The following C12orf76 variants were observed in gnomAD, a reference collection of about 807,000 sequenced individuals.
The protein encoded by C12orf76 is chromosome 12 open reading frame 76.
In C12orf76, 6 loss-of-function variants were observed where a neutral mutation model predicts 6.8. The observed-to-expected ratio is 0.88, with a 90% CI of 0.48 to 1.73. The LOEUF is 1.73. C12orf76 is among the 40% of genes most tolerant of loss of function. The pLI, the probability that C12orf76 is intolerant of heterozygous loss-of-function variation, is 0.01. For synonymous variants in C12orf76, 56 were observed against 43.7 expected, an observed-to-expected ratio of 1.28 and a Z score of -1.11; for missense variants, 99 against 98.2, an observed-to-expected ratio of 1.01 and a Z score of -0.03.
chr12:110,071,811 A>T (rs13313211), upstream of C12orf76, among the ~76,000 whole-genome samples: 12,312 of 152,180 alleles, frequency 0.081, 519 homozygotes, highest in African/African-American at 0.095. Context: ...AGACAATAAC[A>T]AGAGTTGGTG....
chr12:110,042,674 G>C, intron 1 of C12orf76: 1 of 515,894 alleles, frequency 1.9e-6, no homozygotes, highest in South Asian at 2.2e-5. Flanking sequence ...GATATACCGT[G>C]AAAAAAAAAA....
upstream of C12orf76, among the ~76,000 whole-genome samples, chr12:110,072,338 G>A (rs1247534306): frequency 4.6e-5 from 7 of 151,788 alleles, no homozygotes; most frequent in Non-Finnish European, 8.8e-5. Context: ...AACATGCTAA[G>A]TGAAAAAAAG....
At chr12:110,068,628 T>G (rs1892923356), upstream of C12orf76, among the ~76,000 whole-genome samples, 1 of 152,206 alleles carries the variant, frequency 6.6e-6, no homozygotes, top group Non-Finnish European at 1.5e-5. Context: ...AGATCTGAAC[T>G]TAGTTGTGAG....
intron 2 of C12orf76, among the ~76,000 whole-genome samples, chr12:110,063,457 AT>A (rs201799261): frequency 0.083 from 10,164 of 122,336 alleles, 543 homozygotes; most frequent in African/African-American, 0.18. Flanking sequence ...TAATTTTTGT[AT>A]TTTTTTTTTT....
chr12:110,042,609 G>C, intron 1 of C12orf76, 150 bp from the exon 2 acceptor site: 1 of 707,288 alleles, frequency 1.4e-6, no homozygotes, highest in Non-Finnish European at 2.6e-6. Flanking sequence ...CTCTCCAGTT[G>C]TCTCTAAATA....
upstream of C12orf76, among the ~76,000 whole-genome samples, chr12:110,068,295 G>C (rs920978906): frequency 1.4e-5 from 2 of 145,844 alleles, no homozygotes; most frequent in African/African-American, 5.0e-5. Flanking sequence ...AGAAGAAGAA[G>C]AAGAAGAAGA....
chr12:110,070,316 C>A (rs1043258632), upstream of C12orf76, among the ~76,000 whole-genome samples: 1 of 151,960 alleles, frequency 6.6e-6, no homozygotes, highest in East Asian at 1.9e-4. Context: ...ATAATCCCAG[C>A]ACTTTGGGAG....
chr12:110,051,081 T>G (rs1892566911), upstream of C12orf76: 2 of 780,660 alleles, frequency 2.6e-6, no homozygotes, highest in Non-Finnish European at 4.8e-6. Flanking sequence ...CCTCTTTCAC[T>G]TCTGCTGTCC....
intron 2 of C12orf76, among the ~76,000 whole-genome samples, chr12:110,064,419 A>G (rs1231692547): frequency 6.6e-6 from 1 of 152,184 alleles, no homozygotes; most frequent in African/African-American, 2.4e-5. Context: ...CCACTCCGAC[A>G]ACCAATATTA....
At chr12:110,050,471 A>G (rs758497465), upstream of C12orf76, 11 of 156,178 alleles carry the variant, frequency 7.0e-5, no homozygotes, top group Non-Finnish European at 1.3e-4. Context: ...ATAGGAGGTC[A>G]GCACAAAATA....
intron 4 of C12orf76, among the ~76,000 whole-genome samples, chr12:110,055,625 A>G (rs1341385676): frequency 6.6e-6 from 1 of 152,220 alleles, no homozygotes. Context: ...ATTCGTGCAG[A>G]GCCAGCTGTG....
chr12:110,046,453 C>T (rs1049070990), intron 1 of C12orf76, among the ~76,000 whole-genome samples: 1 of 152,066 alleles, frequency 6.6e-6, no homozygotes, highest in Non-Finnish European at 1.5e-5. Context: ...ACCAACTGTA[C>T]GGAACTGTCT....
intron 1 of C12orf76, among the ~76,000 whole-genome samples, chr12:110,046,655 G>A (rs1466834781): frequency 1.3e-5 from 2 of 152,180 alleles, no homozygotes; most frequent in African/African-American, 4.8e-5. Flanking sequence ...AAACTGTTAA[G>A]TTTCTAAACA....
upstream of C12orf76, chr12:110,050,861 C>G (rs1892562446): frequency 6.5e-6 from 4 of 611,100 alleles, no homozygotes; most frequent in South Asian, 7.8e-5. Flanking sequence ...CAAGAACCCC[C>G]TCTTGGGGTC....
intron 1 of C12orf76, among the ~76,000 whole-genome samples, chr12:110,047,567 C>T (rs1566073066): frequency 6.6e-6 from 1 of 151,956 alleles, no homozygotes; most frequent in Non-Finnish European, 1.5e-5. Flanking sequence ...GTAGTCCCAG[C>T]TACTCGCCCG....
upstream of C12orf76, among the ~76,000 whole-genome samples, chr12:110,054,152 A>G (rs575210158): frequency 2.0e-5 from 3 of 152,356 alleles, no homozygotes; most frequent in African/African-American, 7.2e-5. The surrounding 1 kb of genome is among the most constrained non-coding windows in gnomAD (Gnocchi z 4.4). Context: ...AGAGCTGTGC[A>G]TATCAACATG....
At position 110,048,400 on chromosome 12, in the gene C12orf76, C is replaced by A; in HGVS notation, c.96G>T (p.Arg32=). ...EAPSPVDPLE[R]SRPYAVLRGQ... ...CTCGCAGCACCGCGTACGGCCGGCT[C>A]CGCTCCAGCGGATCCACGGGGCTCG... The change falls in exon 1 of 2, where the codon CGG becomes CGT. Residue 32 remains arginine (R), a synonymous_variant. Coordinates refer to ENST00000615315, the MANE Select transcript of C12orf76 (RefSeq NM_001389625.1). The A allele has an allele frequency of 1.3e-6, 2 of 1,516,900 alleles. No individual in the cohort carries two copies. Among genetic ancestry groups the A allele is most frequent in the Non-Finnish European group, 1.8e-6 (2 of 1,137,570 alleles). 94.0% of individuals were successfully genotyped at this position (1,516,900 alleles called of 1,614,324 possible). A position where few individuals can be genotyped will look rare whatever the true frequency, so the allele number is the denominator to read the frequency against.
chr12:110,049,192 A>T (rs1419402208), upstream of C12orf76: 1 of 152,200 alleles, frequency 6.6e-6, no homozygotes, highest in African/African-American at 2.4e-5. Flanking sequence ...ATATTGTTTT[A>T]TACTCAGTAC....
At chr12:110,044,689 T>C (rs1169717114) in intron 1 of C12orf76, among the ~76,000 whole-genome samples, 1 of 150,862 alleles carries the variant, frequency 6.6e-6, no homozygotes, top group Non-Finnish European at 1.5e-5. Context: ...TACAGAAAAA[T>C]CAGGCCAGGT....
Sources: allele counts gnomAD v4.1 joint callset (sites outside exome capture counted in the v4.1 genomes callset), GRCh38; gene constraint gnomAD v4.1.1; non-coding constraint Gnocchi (gnomAD v3.1); transcripts MANE v1.5; gene names NCBI Gene and HGNC (gene_info 2026-07-23, HGNC 2026-07-21).